The following TCF12 variants were observed in gnomAD, a reference collection of about 807,000 sequenced individuals.
TCF12 encodes DNA-binding protein HTF4.
A neutral mutation model predicts 86.0 loss-of-function variants in TCF12; 45 were observed. That is an observed-to-expected ratio of 0.52 (90% confidence interval 0.41 to 0.67). The LOEUF (loss-of-function observed/expected upper bound fraction) is 0.67, where lower values mean the gene tolerates loss of function less well. TCF12 is among the 30% of genes least tolerant of loss of function. The probability of loss-of-function intolerance (pLI) is 0.00; values close to 1 mark genes in which losing one functional copy is unlikely to be tolerated. For synonymous variants in TCF12, 330 were observed against 299.6 expected (o/e 1.10, Z -1.05); for missense variants, 881 against 859.9 (o/e 1.02, Z -0.31).
At chr15:56,969,902 G>A (rs1408171698) in intron 3 of TCF12, among the ~76,000 whole-genome samples, 1 of 152,206 alleles carries the variant, frequency 6.6e-6, no homozygotes, top group Non-Finnish European at 1.5e-5. Flanking sequence ...GGGGTGATGA[G>A]CAAAAGACAC....
At chr15:56,973,870 T>C (rs529677673) in intron 3 of TCF12, among the ~76,000 whole-genome samples, 1 of 152,250 alleles carries the variant, frequency 6.6e-6, no homozygotes, top group African/African-American at 2.4e-5. Flanking sequence ...ACACCATCAC[T>C]TTTGTGTTAT....
chr15:57,024,216 C>CTTTTTTTTTTTTTTTT (rs59793819), intron 3 of TCF12, among the ~76,000 whole-genome samples: 2 of 111,298 alleles, frequency 1.8e-5, no homozygotes, highest in African/African-American at 6.3e-5. Context: ...AAAAAAGTGT[C>CTTTTTTTTTTTTTTTT]TTTTTTTTTT....
chr15:57,145,782 T>A (rs1189120429), intron 5 of TCF12, among the ~76,000 whole-genome samples: 1 of 152,190 alleles, frequency 6.6e-6, no homozygotes, highest in Non-Finnish European at 1.5e-5. Flanking sequence ...GCTAACTCTA[T>A]GCCCAAAGGT....
At chr15:57,058,442 G>A (rs1410806927) in intron 3 of TCF12, among the ~76,000 whole-genome samples, 1 of 152,126 alleles carries the variant, frequency 6.6e-6, no homozygotes, top group Non-Finnish European at 1.5e-5. Context: ...CTGTACTGTG[G>A]CACTAAAAAC....
chr15:56,931,565 T>C (rs1454562795), intron 3 of TCF12, among the ~76,000 whole-genome samples: 1 of 152,230 alleles, frequency 6.6e-6, no homozygotes, highest in Non-Finnish European at 1.5e-5. Flanking sequence ...CAAGATACTT[T>C]GCTGTAGGGA....
At chr15:57,108,207 CAT>C (rs1164587819) in intron 5 of TCF12, among the ~76,000 whole-genome samples, 97 of 152,190 alleles carry the variant, frequency 6.4e-4, no homozygotes, top group African/African-American at 2.3e-3. Context: ...AGTAAGAAGA[CAT>C]ATAGATGTGT....
intron 3 of TCF12, among the ~76,000 whole-genome samples, chr15:56,990,151 C>CTTTTTTTTTTTTTTTTTTT (rs372235874): frequency 1.1e-5 from 1 of 92,726 alleles, no homozygotes; most frequent in Non-Finnish European, 2.2e-5. Context: ...ATAGTCTTGT[C>CTTTTTTTTTTTTTTTTTTT]TTTTTTTTTT....
intron 5 of TCF12, among the ~76,000 whole-genome samples, chr15:57,106,931 A>T (rs1267662187): frequency 6.6e-6 from 1 of 152,254 alleles, no homozygotes; most frequent in Non-Finnish European, 1.5e-5. Flanking sequence ...TGCTGGTAAC[A>T]ATACGGAGCA....
intron 19 of TCF12, among the ~76,000 whole-genome samples, chr15:57,280,831 C>T (rs2061652386): frequency 6.6e-6 from 1 of 152,150 alleles, no homozygotes; most frequent in Non-Finnish European, 1.5e-5. Flanking sequence ...ATACTATTTT[C>T]ATTCTAGACT....
At chr15:57,252,954 C>G (rs1463893179) in intron 15 of TCF12, among the ~76,000 whole-genome samples, 2 of 119,318 alleles carry the variant, frequency 1.7e-5, no homozygotes, top group East Asian at 4.8e-4. Context: ...TTTTTGGCAG[C>G]TCTTATTGAG....
At chr15:57,241,334 C>T (rs1016708966) in intron 12 of TCF12, among the ~76,000 whole-genome samples, 19 of 152,106 alleles carry the variant, frequency 1.2e-4, no homozygotes, top group African/African-American at 4.6e-4. Context: ...TCAGGTGATC[C>T]ACCTGCCTCG....
intron 2 of TCF12, 102 bp from the exon 3 acceptor site, chr15:56,920,924 C>T: frequency 1.2e-6 from 1 of 807,102 alleles, no homozygotes; most frequent in Non-Finnish European, 1.8e-6. Flanking sequence ...TTTAACTTCC[C>T]TCTGAAATTT....
chr15:57,013,476 T>A (rs2064963277), intron 3 of TCF12, among the ~76,000 whole-genome samples: 1 of 152,068 alleles, frequency 6.6e-6, no homozygotes, highest in Non-Finnish European at 1.5e-5. Context: ...ATGCAAAAAT[T>A]AGCCCAGCTG....
chr15:57,252,735 G>A (rs1490769692), intron 15 of TCF12, among the ~76,000 whole-genome samples: 2 of 151,816 alleles, frequency 1.3e-5, no homozygotes, highest in South Asian at 2.1e-4. Context: ...TTGTGTATGG[G>A]GCATGTGTGT....
At chr15:56,959,940 GA>G (rs1269314016) in intron 3 of TCF12, among the ~76,000 whole-genome samples, 2 of 151,944 alleles carry the variant, frequency 1.3e-5, no homozygotes, top group African/African-American at 2.4e-5. Flanking sequence ...TTGACAACTT[GA>G]AAAAAATCAA....
At chr15:57,212,476 C>T (rs1398169879) in intron 8 of TCF12, among the ~76,000 whole-genome samples, 2 of 152,004 alleles carry the variant, frequency 1.3e-5, no homozygotes, top group Non-Finnish European at 2.9e-5. Flanking sequence ...ACAGGTCTTG[C>T]CATGTTGCCC....
In TCF12 at chr15:57,286,458, G is replaced by A; in HGVS notation, c.*313G>A. Reference sequence around the variant, plus strand: ...TGTCTCGATCTCTCCACTCACCGTGGAAGTTGCCTTGTGCCTAAACTGAAT... The same window carrying A: ...TGTCTCGATCTCTCCACTCACCGTGAAAGTTGCCTTGTGCCTAAACTGAAT... On this transcript the variant is annotated 3_prime_UTR_variant, in exon 21 of 21. Transcript: ENST00000333725. 6 of 358,118 alleles carry A rather than the reference G, an allele frequency of 1.7e-5. No homozygotes were observed. Among genetic ancestry groups the A allele is most frequent in the South Asian group, 1.1e-4 (5 of 46,950 alleles). The allele number at this position is 358,118 out of a possible 1,614,324, so 22.2% of individuals were successfully genotyped here.
At chr15:57,243,276 CTATA>C (rs2059713132) in intron 12 of TCF12, among the ~76,000 whole-genome samples, 192 bp from the exon 13 acceptor site, 1 of 151,998 alleles carries the variant, frequency 6.6e-6, no homozygotes, top group Non-Finnish European at 1.5e-5. Context: ...TCGTATTAGA[CTATA>C]TATACTTTTT....
At chr15:57,127,240 C>T (rs886197202) in intron 5 of TCF12, among the ~76,000 whole-genome samples, 1 of 152,102 alleles carries the variant, frequency 6.6e-6, no homozygotes, top group Non-Finnish European at 1.5e-5. Context: ...ATCTTGGCCT[C>T]CCAAAGTGCT....
Sources: gnomAD v4.1 joint callset for allele counts (sites outside exome capture counted in the v4.1 genomes callset) on GRCh38, gnomAD v4.1.1 for gene constraint, MANE v1.5 for transcripts, NCBI Gene and HGNC (gene_info 2026-07-23, HGNC 2026-07-21) for gene names.